Variants in MAGI2 observed in about 807,000 individuals in gnomAD.
MAGI2 encodes membrane-associated guanylate kinase, WW and PDZ domain-containing protein 2.
MAGI2 carries 35 observed loss-of-function variants against 133.3 expected under a neutral mutation model. The observed-to-expected ratio is 0.26, with a 90% confidence interval of 0.20 to 0.35. The LOEUF (loss-of-function observed/expected upper bound fraction) is 0.35. Among genes scored for constraint, MAGI2 ranks in the 10% least tolerant of loss-of-function variants. The probability of loss-of-function intolerance (pLI) is 1.00; values close to 1 mark genes in which losing one functional copy is unlikely to be tolerated. For synonymous variants in MAGI2, 729 were observed against 710.6 expected (o/e 1.03, Z -0.41); for missense variants, 1,636 against 1,863.4 (o/e 0.88, Z 2.25).
Position 78,106,231 on chromosome 7 carries a change from T to C in MAGI2, c.3567+19463A>G, listed in dbSNP as rs183170345. 1.2e-4 allele frequency among the ~76,000 whole-genome samples: 19 copies of C among 152,308 alleles called. 1 individual carries two copies. In the East Asian group the frequency reaches 2.7e-3, roughly 22 times the overall value. Reference sequence around the variant, plus strand: ...TAGCTGAATAGTATTCCATTCTGTATATGTACCACATTTTTTTATTCATCC... The same window carrying C: ...TAGCTGAATAGTATTCCATTCTGTACATGTACCACATTTTTTTATTCATCC... On this transcript the variant is annotated intron_variant, in intron 20 of 21. Coordinates refer to ENST00000354212, the MANE Select transcript of MAGI2 (RefSeq NM_012301.4).
rs369327911 is a variant in MAGI2 at position 78,926,904 on chromosome 7, G to A, written c.418+80186C>T. On this transcript the variant is annotated intron_variant, in intron 2 of 21. Transcript: ENST00000354212. ...TAATTCCTGGTAAACTTGTCACTGA[G>A]GGGAAACAGTGAGAAAAACCTACAA... Among the ~76,000 whole-genome samples the A allele has an allele frequency of 4.0e-5, 6 of 151,802 alleles. No homozygotes were observed. The South Asian group carries it at 1.2e-3, about 32-fold the overall frequency.
chr7:79,020,714 C>T (rs1013069885), intron 1 of MAGI2, among the ~76,000 whole-genome samples: 9 of 147,698 alleles, frequency 6.1e-5, no homozygotes, highest in Non-Finnish European at 1.2e-4. Context: ...TGAAGTGAGC[C>T]GAGATTGCAT....
At chr7:78,320,206 G>A (rs1787859849) in intron 9 of MAGI2, among the ~76,000 whole-genome samples, 1 of 152,128 alleles carries the variant, frequency 6.6e-6, no homozygotes, top group African/African-American at 2.4e-5. Context: ...AGAGGAGCTG[G>A]TACCATTCCT....
intron 6 of MAGI2, among the ~76,000 whole-genome samples, chr7:78,480,492 A>G (rs990866692): frequency 6.6e-6 from 1 of 151,928 alleles, no homozygotes; most frequent in African/African-American, 2.4e-5. Flanking sequence ...TCAATAAAAT[A>G]TTACCAAGTT....
At chr7:79,371,636 AGAC>A (rs1843060537) in intron 1 of MAGI2, among the ~76,000 whole-genome samples, 1 of 152,184 alleles carries the variant, frequency 6.6e-6, no homozygotes, top group Non-Finnish European at 1.5e-5. Context: ...CATATGTAGT[AGAC>A]GACACCATCT....
intron 1 of MAGI2, among the ~76,000 whole-genome samples, chr7:79,393,377 C>A (rs1844810756): frequency 2.0e-5 from 3 of 152,130 alleles, no homozygotes; most frequent in Admixed American, 2.0e-4. Flanking sequence ...TATTTCTCTA[C>A]TTTTCATGCA....
chr7:79,259,608 C>T (rs1017391821), intron 1 of MAGI2, among the ~76,000 whole-genome samples: 10 of 152,004 alleles, frequency 6.6e-5, no homozygotes, highest in African/African-American at 2.2e-4. Flanking sequence ...ATATTTAGTA[C>T]CAAATAATCA....
intron 3 of MAGI2, among the ~76,000 whole-genome samples, chr7:78,602,337 T>C (rs1307568510): frequency 6.6e-6 from 1 of 152,150 alleles, no homozygotes; most frequent in Non-Finnish European, 1.5e-5. Context: ...TTTTTGTATT[T>C]TTAGTAGAAA....
intron 1 of MAGI2, among the ~76,000 whole-genome samples, chr7:79,417,844 T>G (rs903576915): frequency 6.6e-6 from 1 of 152,030 alleles, no homozygotes; most frequent in South Asian, 2.1e-4. Context: ...TAAATGCTTC[T>G]TCACCACATT....
At chr7:79,019,072 A>G (rs1293851683) in intron 1 of MAGI2, among the ~76,000 whole-genome samples, 3 of 152,210 alleles carry the variant, frequency 2.0e-5, no homozygotes, top group Non-Finnish European at 4.4e-5. Flanking sequence ...TCTCCACCAC[A>G]AAAGAACAGA....
At chr7:78,737,979 T>G (rs192686376) in intron 2 of MAGI2, among the ~76,000 whole-genome samples, 11 of 152,152 alleles carry the variant, frequency 7.2e-5, no homozygotes, top group Non-Finnish European at 1.0e-4. Context: ...CTTTCCCACT[T>G]AACTGCAATA....
chr7:78,383,856 T>C (rs1795143066), intron 6 of MAGI2, among the ~76,000 whole-genome samples: 1 of 152,160 alleles, frequency 6.6e-6, no homozygotes, highest in South Asian at 2.1e-4. Flanking sequence ...AGGGTGTCCT[T>C]TTCCCACCAT....
At chr7:79,154,126 G>A (rs1430366212) in intron 1 of MAGI2, among the ~76,000 whole-genome samples, 1 of 152,142 alleles carries the variant, frequency 6.6e-6, no homozygotes, top group Non-Finnish European at 1.5e-5. Flanking sequence ...TGTAAGGGTT[G>A]TAGATAATGT....
chr7:78,438,218 T>C (rs144130506), intron 6 of MAGI2, among the ~76,000 whole-genome samples: 40 of 151,656 alleles, frequency 2.6e-4, no homozygotes, highest in African/African-American at 9.2e-4. Context: ...ACTTCTCCAC[T>C]CACAGACTTT....
chr7:79,055,100 C>T (rs1813027366), intron 1 of MAGI2, among the ~76,000 whole-genome samples: 2 of 152,114 alleles, frequency 1.3e-5, no homozygotes, highest in African/African-American at 4.8e-5. Context: ...GGCCTCCTTG[C>T]CTGTCCTATC....
At chr7:78,161,221 G>C (rs1192410884) in intron 15 of MAGI2, among the ~76,000 whole-genome samples, 1 of 152,126 alleles carries the variant, frequency 6.6e-6, no homozygotes, top group Non-Finnish European at 1.5e-5. Context: ...TTTCCATGGA[G>C]AAATGATAGA....
intron 9 of MAGI2, among the ~76,000 whole-genome samples, chr7:78,312,189 A>C (rs957665861): frequency 6.6e-6 from 1 of 151,934 alleles, no homozygotes; most frequent in East Asian, 1.9e-4. Context: ...GGCTGTGGAA[A>C]AAAACTTCAT....
At chr7:79,202,649 G>A (rs899192154) in intron 1 of MAGI2, among the ~76,000 whole-genome samples, 3 of 151,912 alleles carry the variant, frequency 2.0e-5, no homozygotes, top group Admixed American at 6.6e-5. Context: ...ACAAGGAAAC[G>A]TTTATTTGGG....
At chr7:78,679,224 A>G (rs935156611) in intron 2 of MAGI2, among the ~76,000 whole-genome samples, 2 of 152,036 alleles carry the variant, frequency 1.3e-5, no homozygotes, top group Admixed American at 1.3e-4. Flanking sequence ...AGAGTGAGGC[A>G]TCCCTACATC....
Sources: allele counts gnomAD v4.1 joint callset (sites outside exome capture counted in the v4.1 genomes callset), GRCh38; gene constraint gnomAD v4.1.1; transcripts MANE v1.5; gene names NCBI Gene and HGNC (gene_info 2026-07-23, HGNC 2026-07-21).